ADAMTS17: variants seen among roughly 807,000 people sequenced by gnomAD.
The protein encoded by ADAMTS17 is A disintegrin and metalloproteinase with thrombospondin motifs 17.
ADAMTS17 carries 113 observed loss-of-function variants against 141.5 expected under a neutral mutation model. The ratio of observed to expected loss-of-function variants is 0.80; its 90% confidence interval spans 0.69 to 0.93. ADAMTS17 has a LOEUF of 0.93. Ranked by LOEUF, ADAMTS17 falls within the 40% of genes least tolerant of loss-of-function variation. The pLI is 0.00. For synonymous variants in ADAMTS17, 768 were observed against 630.6 expected (o/e 1.22, Z -3.27); for missense variants, 1,659 against 1,517.9 (o/e 1.09, Z -1.54).
intron 9 of ADAMTS17, among the ~76,000 whole-genome samples, chr15:100,154,495 G>A (rs983863194): frequency 3.3e-5 from 5 of 152,172 alleles, no homozygotes; most frequent in African/African-American, 1.2e-4. Flanking sequence ...ACTCACTGCT[G>A]TCTCCCAGGG....
In ADAMTS17 at chr15:100,298,130, T is replaced by A. The variant is rs562135857; in HGVS notation, c.617-16729A>T. 3.3e-5 allele frequency among the ~76,000 whole-genome samples: 5 copies of A among 152,034 alleles called. No individual in the cohort carries two copies. The South Asian group carries it at 1.0e-3, about 32-fold the overall frequency. ...AATGCATGTTTGGCCCGCGAGGAAA[T>A]GGCGCAAACTTTGGAGAAGTCTGGG... is the stretch of plus-strand genomic sequence containing the variant. On this transcript the variant is annotated intron_variant, in intron 3 of 21. Transcript: ENST00000268070.
At chr15:100,291,833 A>G (rs879597823) in intron 3 of ADAMTS17, among the ~76,000 whole-genome samples, 4 of 152,248 alleles carry the variant, frequency 2.6e-5, no homozygotes, top group African/African-American at 7.2e-5. Context: ...ATCGGGTACT[A>G]TGCTTATTTA....
chr15:100,165,918 G>A (rs2039934951), intron 8 of ADAMTS17, among the ~76,000 whole-genome samples: 1 of 151,834 alleles, frequency 6.6e-6, no homozygotes, highest in Non-Finnish European at 1.5e-5. Context: ...AATGGCCTTG[G>A]GTATTTTGAG....
intron 4 of ADAMTS17, among the ~76,000 whole-genome samples, chr15:100,277,114 G>A (rs889614400): frequency 2.0e-5 from 3 of 152,068 alleles, no homozygotes; most frequent in African/African-American, 7.2e-5. Flanking sequence ...GACGACAGAA[G>A]GGCTCAGAGT....
intron 3 of ADAMTS17, among the ~76,000 whole-genome samples, chr15:100,293,422 T>C (rs1015257827): frequency 3.5e-4 from 53 of 152,214 alleles, no homozygotes; most frequent in African/African-American, 1.3e-3. Flanking sequence ...GGCTGTTACA[T>C]AGAACGTGTG....
intron 11 of ADAMTS17, 73 bp downstream of exon 11, chr15:100,133,141 G>A (rs909271205): frequency 1.5e-5 from 20 of 1,378,366 alleles, no homozygotes; most frequent in Admixed American, 2.0e-5. Context: ...TACAGATTGT[G>A]TGTCAGAAGA....
chr15:100,088,420 A>G (rs1426461444), intron 15 of ADAMTS17, among the ~76,000 whole-genome samples: 1 of 152,240 alleles, frequency 6.6e-6, no homozygotes, highest in Admixed American at 6.5e-5. Context: ...TGCCCAAGGT[A>G]ATTTATAGAT....
At chr15:100,006,206 C>T (rs2061033585) in intron 18 of ADAMTS17, among the ~76,000 whole-genome samples, 1 of 152,170 alleles carries the variant, frequency 6.6e-6, no homozygotes, top group African/African-American at 2.4e-5. Flanking sequence ...ATCCATACCA[C>T]AACCTTAACA....
At chr15:100,257,114 T>A (rs1192820141) in intron 6 of ADAMTS17, 1 of 152,168 alleles carries the variant, frequency 6.6e-6, no homozygotes, top group African/African-American at 2.4e-5. Flanking sequence ...GAGGAAATTC[T>A]CACGTTGGCC....
chr15:100,335,849 G>A (rs1231226319), intron 2 of ADAMTS17, among the ~76,000 whole-genome samples: 1 of 148,552 alleles, frequency 6.7e-6, no homozygotes, highest in African/African-American at 2.5e-5. Flanking sequence ...AGCTCCAAAT[G>A]GCCAAACAGT....
intron 8 of ADAMTS17, among the ~76,000 whole-genome samples, chr15:100,156,487 G>C (rs1335411642): frequency 7.9e-5 from 12 of 152,218 alleles, no homozygotes; most frequent in Admixed American, 7.9e-4. Context: ...CTTTGGGCTA[G>C]CGGGGCCCTC....
At chr15:100,321,934 A>G (rs1250750512) in intron 3 of ADAMTS17, among the ~76,000 whole-genome samples, 1 of 152,252 alleles carries the variant, frequency 6.6e-6, no homozygotes, top group African/African-American at 2.4e-5. Context: ...TAAAACATTT[A>G]TTAAAACAAA....
rs114465681 is a variant in ADAMTS17, at chr15:100,094,921, A to G, written c.2137+1435T>C. ...GCAACGCTCTGGAGCTGTGCTGTCC[A>G]ATAGAACCTTCTGGAATGCTGGGAA... On this transcript the variant is annotated intron_variant, in intron 15 of 21. Coordinates refer to ENST00000268070, the MANE Select transcript of ADAMTS17 (RefSeq NM_139057.4). 9.5e-3 allele frequency among the ~76,000 whole-genome samples: 1,446 copies of G among 152,332 alleles called. 27 individuals carry two copies. The highest frequency in any genetic ancestry group is 0.034 in the African/African-American group (1,394 of 41,566).
At chr15:100,130,756 G>A (rs561829938) in intron 12 of ADAMTS17, among the ~76,000 whole-genome samples, 6 of 152,134 alleles carry the variant, frequency 3.9e-5, no homozygotes, top group Non-Finnish European at 8.8e-5. Flanking sequence ...GAACTTGCTC[G>A]TTTTCAAAAT....
intron 18 of ADAMTS17, among the ~76,000 whole-genome samples, chr15:100,009,897 T>G (rs944783111): frequency 1.1e-4 from 16 of 152,354 alleles, no homozygotes; most frequent in African/African-American, 3.8e-4. Flanking sequence ...GCTCTGAGCT[T>G]TGAGTTTGAT....
intron 3 of ADAMTS17, among the ~76,000 whole-genome samples, chr15:100,314,820 T>G (rs757406507): frequency 1.3e-5 from 2 of 152,092 alleles, no homozygotes; most frequent in Non-Finnish European, 2.9e-5. Flanking sequence ...GTGGGAGATA[T>G]GCCGAGTGGG....
chr15:100,085,628 T>C (rs1177407089), intron 15 of ADAMTS17, among the ~76,000 whole-genome samples: 1 of 151,944 alleles, frequency 6.6e-6, no homozygotes, highest in South Asian at 2.1e-4. Flanking sequence ...AAGCCCATCA[T>C]CAGACGAAGA....
rs897318810 is a variant in ADAMTS17, at chr15:100,166,756, G to C, written c.1182-11436C>G. Among the ~76,000 whole-genome samples the C allele has an allele frequency of 3.9e-5, 6 of 152,214 alleles. No homozygotes were observed. In the East Asian group the frequency reaches 1.2e-3, roughly 29 times the overall value. On this transcript the variant is annotated intron_variant, in intron 8 of 21. Transcript: ENST00000268070. ...ATTCAAAGGTTTCCAATCTAGAAGG[G>C]AATAACTTCATGATTCTTGATCTAG...
chr15:100,305,949 T>G (rs1402771754), intron 3 of ADAMTS17: 1 of 152,900 alleles, frequency 6.5e-6, no homozygotes, highest in East Asian at 1.9e-4. Flanking sequence ...TATAATCAAT[T>G]AACTGACCAA....
Sources: gnomAD v4.1 joint callset for allele counts (sites outside exome capture counted in the v4.1 genomes callset) on GRCh38, gnomAD v4.1.1 for gene constraint, MANE v1.5 for transcripts, NCBI Gene and HGNC (gene_info 2026-07-23, HGNC 2026-07-21) for gene names.